The following CDYL2 variants were observed in gnomAD, a reference collection of about 807,000 sequenced individuals.
The protein encoded by CDYL2 is chromodomain Y-like protein 2.
In CDYL2, 23 loss-of-function variants were observed where a neutral mutation model predicts 49.4. The observed-to-expected ratio is 0.47, with a 90% CI of 0.34 to 0.66. The LOEUF (loss-of-function observed/expected upper bound fraction) is 0.66, where lower values mean the gene tolerates loss of function less well. Among genes scored for constraint, CDYL2 ranks in the 30% least tolerant of loss-of-function variants. CDYL2 has a pLI of 0.01. For synonymous variants in CDYL2, 360 were observed against 268.8 expected (o/e 1.34, Z -3.32); for missense variants, 678 against 656.4 (o/e 1.03, Z -0.36).
chr16:80,627,526 T>A (rs1029102076), intron 3 of CDYL2: 2 of 152,382 alleles, frequency 1.3e-5, no homozygotes, highest in African/African-American at 4.8e-5. Context: ...AAAAGTTATA[T>A]CTAGTTTATA....
chr16:80,718,208 T>C (rs1262573337), intron 1 of CDYL2, among the ~76,000 whole-genome samples: 4 of 152,026 alleles, frequency 2.6e-5, no homozygotes, highest in Non-Finnish European at 4.4e-5. Context: ...GAGAAGTGAG[T>C]TTTGTTTTGT....
chr16:80,696,412 T>C (rs949097706), intron 1 of CDYL2, among the ~76,000 whole-genome samples: 2 of 151,540 alleles, frequency 1.3e-5, no homozygotes, highest in Non-Finnish European at 2.9e-5. Flanking sequence ...GACTAAAAAA[T>C]ACAAAAGGTC....
At chr16:80,736,814 A>G (rs1905549124) in intron 1 of CDYL2, among the ~76,000 whole-genome samples, 2 of 152,142 alleles carry the variant, frequency 1.3e-5, no homozygotes, top group South Asian at 2.1e-4. Context: ...GCTTCCTTCA[A>G]TTATGTACGA....
rs139168524 is a variant in CDYL2, at chr16:80,770,659, G to A, written c.24+33491C>T. 2.0e-3 allele frequency among the ~76,000 whole-genome samples: 304 copies of A among 152,214 alleles called. 4 individuals are homozygous for A. Among genetic ancestry groups the A allele is most frequent in the East Asian group, 0.017 (90 of 5,188 alleles). On this transcript the variant is annotated intron_variant, in intron 1 of 6. Coordinates refer to ENST00000570137, the MANE Select transcript of CDYL2 (RefSeq NM_152342.4). ...TAATTCATGATAAGCAAAGATAAAT[G>A]TAAAATTTAGACTTGATGTCTAATT...
At chr16:80,645,327 T>C (rs950103832) in intron 2 of CDYL2, among the ~76,000 whole-genome samples, 5 of 151,964 alleles carry the variant, frequency 3.3e-5, no homozygotes, top group African/African-American at 4.8e-5. Context: ...GGGCGAAGGA[T>C]ATGAACACAC....
chr16:80,792,003 A>C (rs141475416), intron 1 of CDYL2, among the ~76,000 whole-genome samples: 37 of 152,274 alleles, frequency 2.4e-4, no homozygotes, highest in African/African-American at 8.7e-4. Context: ...GGAGTCAAGA[A>C]ATATGCAGGA....
At chr16:80,738,247 T>G (rs1905608420) in intron 1 of CDYL2, among the ~76,000 whole-genome samples, 1 of 152,218 alleles carries the variant, frequency 6.6e-6, no homozygotes, top group Non-Finnish European at 1.5e-5. Flanking sequence ...GTGCCACATT[T>G]TCTTTATCCA....
intron 2 of CDYL2, among the ~76,000 whole-genome samples, chr16:80,682,642 A>G (rs1910013267): frequency 6.6e-6 from 1 of 152,222 alleles, no homozygotes; most frequent in Non-Finnish European, 1.5e-5. Context: ...TGAGCAGGGC[A>G]GGGAGCTGCT....
chr16:80,676,355 G>C (rs544522527), intron 2 of CDYL2, among the ~76,000 whole-genome samples: 3 of 152,216 alleles, frequency 2.0e-5, no homozygotes, highest in Non-Finnish European at 4.4e-5. Context: ...ACTTGAAGTG[G>C]GTCAGGAAGA....
At chr16:80,682,832 G>C (rs1252803612) in intron 2 of CDYL2, among the ~76,000 whole-genome samples, 3 of 152,212 alleles carry the variant, frequency 2.0e-5, no homozygotes, top group Non-Finnish European at 2.9e-5. Flanking sequence ...TTCTCCCCGA[G>C]AGATGAATTT....
intron 2 of CDYL2, among the ~76,000 whole-genome samples, chr16:80,682,722 C>T (rs1026397068): frequency 6.6e-6 from 1 of 152,196 alleles, no homozygotes; most frequent in African/African-American, 2.4e-5. Context: ...AATCTCCCCT[C>T]GCCACCCTTC....
intron 1 of CDYL2, among the ~76,000 whole-genome samples, chr16:80,780,870 A>C (rs1907241885): frequency 6.6e-6 from 1 of 152,204 alleles, no homozygotes; most frequent in South Asian, 2.1e-4. Context: ...CTGGAAAAAA[A>C]GTGTTGGAAT....
At chr16:80,659,616 G>T (rs1298751515) in intron 2 of CDYL2, among the ~76,000 whole-genome samples, 1 of 151,642 alleles carries the variant, frequency 6.6e-6, no homozygotes, top group Non-Finnish European at 1.5e-5. Flanking sequence ...TTATAAATAT[G>T]TGTGTCTATA....
chr16:80,804,108 G>C (rs573442059), intron 1 of CDYL2, 42 bp downstream of exon 1: 2 of 1,022,124 alleles, frequency 2.0e-6, no homozygotes, highest in Non-Finnish European at 2.4e-6. Context: ...GCCCGCCGCC[G>C]CCCGCTGACT....
intron 2 of CDYL2, among the ~76,000 whole-genome samples, chr16:80,684,049 A>G (rs1910075139): frequency 6.6e-6 from 1 of 152,234 alleles, no homozygotes; most frequent in African/African-American, 2.4e-5. Flanking sequence ...GGTGAACTCC[A>G]AGTCCACACT....
chr16:80,707,104 T>C (rs1904431424), intron 1 of CDYL2, among the ~76,000 whole-genome samples: 1 of 152,170 alleles, frequency 6.6e-6, no homozygotes, highest in South Asian at 2.1e-4. Flanking sequence ...TAGGATTCAG[T>C]ATAGCCATTA....
intron 1 of CDYL2, among the ~76,000 whole-genome samples, chr16:80,708,865 T>A (rs1240345482): frequency 2.0e-5 from 3 of 152,216 alleles, no homozygotes; most frequent in Admixed American, 2.0e-4. Context: ...TGATGAAATC[T>A]TTATTATAAA....
intron 1 of CDYL2, among the ~76,000 whole-genome samples, chr16:80,715,166 A>C (rs868242820): frequency 6.6e-6 from 1 of 152,062 alleles, no homozygotes. Flanking sequence ...GGATCTAACA[A>C]TGGCCATGTG....
At chr16:80,637,954 A>G (rs1907914299) in intron 2 of CDYL2, among the ~76,000 whole-genome samples, 1 of 152,260 alleles carries the variant, frequency 6.6e-6, no homozygotes, top group Non-Finnish European at 1.5e-5. Flanking sequence ...AACAGGAAAT[A>G]CGTAGATATA....
Sources: allele counts gnomAD v4.1 joint callset (sites outside exome capture counted in the v4.1 genomes callset), GRCh38; gene constraint gnomAD v4.1.1; transcripts MANE v1.5; gene names NCBI Gene and HGNC (gene_info 2026-07-23, HGNC 2026-07-21).